Variants in HDAC4 observed in about 807,000 individuals in gnomAD.
HDAC4 encodes histone deacetylase A.
Under a neutral mutation model 135.1 loss-of-function variants are expected in HDAC4, and 16 were observed. That is an observed-to-expected ratio of 0.12 (90% CI 0.08 to 0.18). The LOEUF (loss-of-function observed/expected upper bound fraction) is 0.18, where lower values mean the gene tolerates loss of function less well. Ranked by LOEUF, HDAC4 falls within the 10% of genes least tolerant of loss-of-function variation. HDAC4 has a pLI of 1.00. For synonymous variants in HDAC4, 685 were observed against 653.4 expected (o/e 1.05, Z -0.74); for missense variants, 1,143 against 1,511.8 (o/e 0.76, Z 4.05).
intron 1 of HDAC4, among the ~76,000 whole-genome samples, chr2:239,360,804 C>T (rs1392068836): frequency 3.9e-5 from 6 of 152,206 alleles, no homozygotes; most frequent in Non-Finnish European, 4.4e-5. Flanking sequence ...GGACCAGTTC[C>T]TTATCACCCC....
chr2:239,346,157 AAC>A lies in HDAC4; in HGVS notation c.22+6519_22+6520del, dbSNP rs147637766. 4.9e-3 allele frequency among the ~76,000 whole-genome samples: 740 copies of A among 150,812 alleles called. 9 individuals are homozygous for A. The highest frequency in any genetic ancestry group is 0.017 in the African/African-American group (696 of 40,910). On this transcript the variant is annotated intron_variant, in intron 2 of 26. Coordinates refer to ENST00000543185, the MANE Select transcript of HDAC4 (RefSeq NM_001378414.1). The stretch of plus-strand genomic sequence containing the variant: ...CCCCATCTCACACATGCACTCACCC[AAC>A]ACACACTGTCTAAAACACACACACC...
intron 10 of HDAC4, 26 bp from the exon 11 acceptor site, chr2:239,134,469 G>A: frequency 6.2e-7 from 1 of 1,613,782 alleles, no homozygotes; most frequent in Non-Finnish European, 8.5e-7. Flanking sequence ...AGGATGCTCG[G>A]GTGGAAGGAC....
chr2:239,130,654 C>T (rs923183421), intron 11 of HDAC4, among the ~76,000 whole-genome samples: 1 of 152,342 alleles, frequency 6.6e-6, no homozygotes, highest in Middle Eastern at 3.4e-3. Context: ...GCCCTTCCCT[C>T]TCCGCCTGCA....
At chr2:239,073,283 G>A (rs537160263) in intron 22 of HDAC4, among the ~76,000 whole-genome samples, 9 of 152,346 alleles carry the variant, frequency 5.9e-5, no homozygotes, top group African/African-American at 2.2e-4. Flanking sequence ...GGCAGCTGTA[G>A]AAAGTGCTTT....
intron 7 of HDAC4, chr2:239,154,814 G>A (rs977392326): frequency 6.6e-6 from 1 of 152,176 alleles, no homozygotes; most frequent in African/African-American, 2.4e-5. Context: ...GTGAAATCCA[G>A]GACCATTCTC....
chr2:239,268,235 A>C (rs918025228), intron 2 of HDAC4, among the ~76,000 whole-genome samples: 2 of 152,008 alleles, frequency 1.3e-5, no homozygotes, highest in Non-Finnish European at 2.9e-5. Context: ...AGCGCTGGCC[A>C]CTCCCAGACT....
intron 5 of HDAC4, among the ~76,000 whole-genome samples, chr2:239,170,807 T>G (rs532219484): frequency 6.6e-6 from 1 of 152,170 alleles, no homozygotes; most frequent in Admixed American, 6.5e-5. Flanking sequence ...GCCTGTTCTC[T>G]AGACTCAACA....
At chr2:239,100,854 T>G (rs889358697) in intron 16 of HDAC4, among the ~76,000 whole-genome samples, 4 of 151,982 alleles carry the variant, frequency 2.6e-5, no homozygotes, top group African/African-American at 9.7e-5. Context: ...CTGTCTCCAG[T>G]CCAGGAAGCC....
At chr2:239,252,881 C>A (rs2048858904) in intron 2 of HDAC4, among the ~76,000 whole-genome samples, 1 of 152,250 alleles carries the variant, frequency 6.6e-6, no homozygotes, top group Non-Finnish European at 1.5e-5. Context: ...CCCTGACGCA[C>A]ACACCCTTAA....
rs140009379 is a variant in HDAC4 at position 239,180,582 on chromosome 2, C to T, written c.340-4019G>A. Among the ~76,000 whole-genome samples the T allele has an allele frequency of 1.5e-3, 224 of 152,358 alleles. 1 individual carries two copies. The highest frequency in any genetic ancestry group is 5.1e-3 in the African/African-American group (214 of 41,584). The stretch of plus-strand genomic sequence containing the variant: ...AACTGTGTAATTTTGTAAGGTAAAA[C>T]TCCTCATTCTTCCATTCTGTAAGTA... On this transcript the variant is annotated intron_variant, in intron 4 of 26. Transcript: ENST00000543185.
chr2:239,317,436 C>T (rs751506486), intron 2 of HDAC4, among the ~76,000 whole-genome samples: 49 of 151,534 alleles, frequency 3.2e-4, no homozygotes, highest in Non-Finnish European at 5.3e-4. Flanking sequence ...AAAGCTGATT[C>T]CAGGCCAGGA....
chr2:239,210,491 G>A (rs1316423155), intron 3 of HDAC4, among the ~76,000 whole-genome samples: 5 of 152,184 alleles, frequency 3.3e-5, no homozygotes, highest in South Asian at 2.1e-4. Context: ...TATTCTCAGC[G>A]TTGTGTTTTG....
intron 7 of HDAC4, among the ~76,000 whole-genome samples, chr2:239,148,268 A>T (rs959203967): frequency 6.6e-6 from 1 of 152,218 alleles, no homozygotes; most frequent in Non-Finnish European, 1.5e-5. Flanking sequence ...GTGCAGAAGG[A>T]AGGGGCTGGA....
intron 3 of HDAC4, among the ~76,000 whole-genome samples, chr2:239,232,332 C>T (rs1263255490): frequency 6.6e-6 from 1 of 152,242 alleles, no homozygotes; most frequent in Non-Finnish European, 1.5e-5. Flanking sequence ...TTGCTGGTCT[C>T]TCCTGGCTGA....
chr2:239,286,446 A>G (rs530411252), intron 2 of HDAC4, among the ~76,000 whole-genome samples: 32 of 152,202 alleles, frequency 2.1e-4, no homozygotes, highest in Non-Finnish European at 3.7e-4. Context: ...TGTATTCTGA[A>G]AGTAAAAGTC....
At position 239,111,383 on chromosome 2, in the gene HDAC4, T is replaced by G. The variant is rs534361203; in HGVS notation, c.1978+143A>C. The G allele has an allele frequency of 4.5e-5, 35 of 773,942 alleles. No individual in the cohort carries two copies. In the African/African-American group the frequency reaches 5.0e-4, roughly 11 times the overall value. The allele number at this position is 773,942 out of a possible 1,614,324, so 47.9% of individuals were successfully genotyped here. A position where few individuals can be genotyped will look rare whatever the true frequency, so the allele number is the denominator to read the frequency against. On this transcript the variant is annotated intron_variant, in intron 14 of 26. Coordinates refer to ENST00000543185, the MANE Select transcript of HDAC4 (RefSeq NM_001378414.1). ...GGAGAGGGCCTCTGTGACAGACCTG[T>G]GTGGTCCCCACCATCCAGCGTGGCC...
At chr2:239,283,167 A>G (rs1306067714) in intron 2 of HDAC4, among the ~76,000 whole-genome samples, 1 of 152,258 alleles carries the variant, frequency 6.6e-6, no homozygotes, top group African/African-American at 2.4e-5. Context: ...TCAGTGGAAG[A>G]ATGCGCTCTA....
chr2:239,116,232 C>T (rs1045200863), intron 12 of HDAC4, among the ~76,000 whole-genome samples: 5 of 152,218 alleles, frequency 3.3e-5, no homozygotes, highest in African/African-American at 9.6e-5. Flanking sequence ...AGCCCAAACT[C>T]GCTCTTTACC....
intron 17 of HDAC4, among the ~76,000 whole-genome samples, chr2:239,093,370 G>A (rs546548897): frequency 4.6e-5 from 7 of 152,276 alleles, no homozygotes; most frequent in African/African-American, 9.6e-5. Context: ...CGGCTCCCGA[G>A]GTCTACTTTG....
Sources: gnomAD v4.1 joint callset for allele counts (sites outside exome capture counted in the v4.1 genomes callset) on GRCh38, gnomAD v4.1.1 for gene constraint, MANE v1.5 for transcripts, NCBI Gene and HGNC (gene_info 2026-07-23, HGNC 2026-07-21) for gene names.